Variants in BBS9 observed in about 807,000 individuals in gnomAD.
BBS9 encodes Bardet-Biedl syndrome 9.
BBS9 carries 89 observed loss-of-function variants against 117.7 expected under a neutral mutation model. The ratio of observed to expected loss-of-function variants is 0.76; its 90% CI spans 0.64 to 0.90. The LOEUF (loss-of-function observed/expected upper bound fraction) is 0.90. Among genes scored for constraint, BBS9 ranks in the 40% least tolerant of loss-of-function variants. BBS9 has a pLI of 0.00. For synonymous variants in BBS9, 379 were observed against 370.9 expected (o/e 1.02, Z -0.25); for missense variants, 982 against 1,042.2 (o/e 0.94, Z 0.80).
At chr7:33,365,150 TG>T (rs1233522145) in intron 16 of BBS9, among the ~76,000 whole-genome samples, 4 of 152,140 alleles carry the variant, frequency 2.6e-5, no homozygotes, top group Admixed American at 6.5e-5. Flanking sequence ...TTGAATTCTT[TG>T]TTAACCTGTA....
intron 6 of BBS9, among the ~76,000 whole-genome samples, chr7:33,259,026 ACAAT>A (rs1441973054): frequency 2.0e-5 from 3 of 152,192 alleles, no homozygotes; most frequent in Admixed American, 6.5e-5. Flanking sequence ...TGAAATGATG[ACAAT>A]CAAGAAGGTT....
At chr7:33,204,560 G>C (rs371988877) in intron 5 of BBS9, among the ~76,000 whole-genome samples, 1 of 152,016 alleles carries the variant, frequency 6.6e-6, no homozygotes, top group Non-Finnish European at 1.5e-5. Context: ...ATATTATTTT[G>C]AGGGCTTATT....
intron 19 of BBS9, among the ~76,000 whole-genome samples, chr7:33,498,923 T>A (rs1020729238): frequency 6.6e-6 from 1 of 152,198 alleles, no homozygotes; most frequent in Non-Finnish European, 1.5e-5. Flanking sequence ...GTTTAACTTT[T>A]TGAGGAGCTG....
intron 21 of BBS9, among the ~76,000 whole-genome samples, chr7:33,553,236 G>A (rs1005028063): frequency 6.6e-6 from 1 of 152,140 alleles, no homozygotes; most frequent in African/African-American, 2.4e-5. Flanking sequence ...GTTCATAATT[G>A]CATCTTCATT....
chr7:33,394,795 A>T (rs1297236783), intron 19 of BBS9, among the ~76,000 whole-genome samples: 1 of 152,154 alleles, frequency 6.6e-6, no homozygotes, highest in African/African-American at 2.4e-5. Context: ...GGAAATTCTT[A>T]TTTGTTGGGT....
chr7:33,336,099 A>G (rs1479256787), intron 9 of BBS9, among the ~76,000 whole-genome samples: 1 of 152,148 alleles, frequency 6.6e-6, no homozygotes, highest in Non-Finnish European at 1.5e-5. Context: ...TCACATGCTT[A>G]TTACGGAAAT....
At chr7:33,198,257 G>A (rs1785251873) in intron 5 of BBS9, among the ~76,000 whole-genome samples, 1 of 151,936 alleles carries the variant, frequency 6.6e-6, no homozygotes, top group Non-Finnish European at 1.5e-5. Context: ...ATGATTTTAG[G>A]AGACTGTGAA....
intron 9 of BBS9, among the ~76,000 whole-genome samples, chr7:33,310,099 T>C (rs1808901874): frequency 6.6e-6 from 1 of 152,182 alleles, no homozygotes; most frequent in Non-Finnish European, 1.5e-5. Context: ...TGTCTCAAAA[T>C]CCAAGCTTGC....
chr7:33,300,612 GT>G lies in BBS9; in HGVS notation c.1016+26670del, dbSNP rs374179445. 7.3e-3 allele frequency among the ~76,000 whole-genome samples: 990 copies of G among 135,980 alleles called. 10 individuals carry two copies. Among genetic ancestry groups the G allele is most frequent in the African/African-American group, 0.021 (800 of 37,854 alleles). 89.2% of individuals were successfully genotyped at this position (135,980 alleles called of 152,430 possible). On this transcript the variant is annotated intron_variant, in intron 9 of 22. Transcript: ENST00000242067. ...ATTAACTTTGGATATGACTTTCCTT[GT>G]TTTTTTTTTTTTTCTTCTGTAAAAT...
intron 17 of BBS9, among the ~76,000 whole-genome samples, chr7:33,375,712 T>A (rs890196591): frequency 1.3e-5 from 2 of 151,410 alleles, no homozygotes; most frequent in Non-Finnish European, 2.9e-5. Flanking sequence ...TGCCTCAGCC[T>A]CCTGAGTAGC....
At chr7:33,393,445 T>C (rs570490624) in intron 19 of BBS9, among the ~76,000 whole-genome samples, 9 of 152,320 alleles carry the variant, frequency 5.9e-5, no homozygotes, top group African/African-American at 2.2e-4. Flanking sequence ...GATTTCTTAA[T>C]ACTTTTAGAA....
intron 5 of BBS9, among the ~76,000 whole-genome samples, chr7:33,188,905 G>C (rs181959125): frequency 3.3e-5 from 5 of 152,098 alleles, no homozygotes; most frequent in Admixed American, 2.6e-4. Flanking sequence ...GTTTTATAAG[G>C]GGGGGAGAAG....
At chr7:33,597,762 G>C (rs1405361451) in intron 21 of BBS9, among the ~76,000 whole-genome samples, 1 of 151,486 alleles carries the variant, frequency 6.6e-6, no homozygotes. Context: ...TGTGGCATCA[G>C]TTCCCCTCTC....
chr7:33,166,777 TAC>T, intron 4 of BBS9, among the ~76,000 whole-genome samples: 1 of 152,334 alleles, frequency 6.6e-6, no homozygotes, highest in Non-Finnish European at 1.5e-5. Flanking sequence ...TTTTTCCACG[TAC>T]AGTCTGTCAC....
chr7:33,408,676 G>A lies in BBS9; in HGVS notation c.2115+20532G>A, dbSNP rs971995926. Among the ~76,000 whole-genome samples the A allele has an allele frequency of 2.0e-5, 3 of 152,274 alleles. No homozygotes were observed. The East Asian group carries it at 5.8e-4, about 29-fold the overall frequency. ...GTGAATAATGTGGTGATGAACATAT[G>A]GGTGCATGTCTTTTTGGTAGAACAA... On this transcript the variant is annotated intron_variant, in intron 19 of 22. Transcript: ENST00000242067.
chr7:33,280,397 C>G (rs1801586507), intron 9 of BBS9, among the ~76,000 whole-genome samples: 1 of 142,460 alleles, frequency 7.0e-6, no homozygotes, highest in African/African-American at 2.5e-5. Context: ...CTCAATAATA[C>G]TTTGTTCTTT....
chr7:33,576,638 G>A (rs372142243), intron 21 of BBS9, among the ~76,000 whole-genome samples: 16 of 152,138 alleles, frequency 1.1e-4, no homozygotes, highest in Admixed American at 3.3e-4. Flanking sequence ...GAGGCATCAC[G>A]CTACCTGACT....
At chr7:33,368,281 C>G (rs1387942462) in intron 17 of BBS9, among the ~76,000 whole-genome samples, 1 of 152,138 alleles carries the variant, frequency 6.6e-6, no homozygotes, top group African/African-American at 2.4e-5. Flanking sequence ...CTTGTTTATT[C>G]ATTTTGGACA....
intron 5 of BBS9, among the ~76,000 whole-genome samples, chr7:33,195,629 G>A (rs1043047078): frequency 6.6e-6 from 1 of 152,034 alleles, no homozygotes; most frequent in African/African-American, 2.4e-5. Flanking sequence ...GAACTATCGA[G>A]TATTTGTGAT....
Sources: gnomAD v4.1 joint callset for allele counts (sites outside exome capture counted in the v4.1 genomes callset) on GRCh38, gnomAD v4.1.1 for gene constraint, MANE v1.5 for transcripts, NCBI Gene and HGNC (gene_info 2026-07-23, HGNC 2026-07-21) for gene names.